DEPTOR: variants seen among roughly 807,000 people sequenced by gnomAD.
DEPTOR encodes the protein DEP domain containing MTOR interacting protein, also known as DEP domain-containing mTOR-interacting protein.
Under a neutral mutation model 41.6 loss-of-function variants are expected in DEPTOR, and 41 were observed. The observed-to-expected ratio is 0.98, with a 90% CI of 0.77 to 1.28. The LOEUF is 1.28. Among genes scored for constraint, DEPTOR ranks in the 50% most tolerant of loss-of-function variants. The probability of loss-of-function intolerance (pLI) is 0.00; values close to 1 mark genes in which losing one functional copy is unlikely to be tolerated. For missense variants in DEPTOR, 514 were observed against 527.9 expected, an observed-to-expected ratio of 0.97 and a Z score of 0.26; for synonymous variants, 195 against 192.3, an observed-to-expected ratio of 1.01 and a Z score of -0.12.
chr8:119,910,785 A>T (rs949104457), intron 1 of DEPTOR, among the ~76,000 whole-genome samples: 1 of 152,164 alleles, frequency 6.6e-6, no homozygotes, highest in African/African-American at 2.4e-5. Context: ...ATAAAAATAA[A>T]TCACAGTACC....
chr8:119,925,677 T>G (rs1376091138), intron 1 of DEPTOR, among the ~76,000 whole-genome samples: 1 of 152,058 alleles, frequency 6.6e-6, no homozygotes, highest in African/African-American at 2.4e-5. Context: ...CAGGCTGGAG[T>G]GCAGTTGTGC....
chr8:119,980,997 C>A (rs1488033488), intron 4 of DEPTOR, among the ~76,000 whole-genome samples: 1 of 152,174 alleles, frequency 6.6e-6, no homozygotes, highest in African/African-American at 2.4e-5. Context: ...TATTTTCTTT[C>A]TCTCTCAGTT....
intron 8 of DEPTOR, among the ~76,000 whole-genome samples, chr8:120,023,035 A>G (rs146176497): frequency 6.6e-6 from 1 of 152,310 alleles, no homozygotes; most frequent in African/African-American, 2.4e-5. Flanking sequence ...ATTTGCTCAC[A>G]GTTCTGGAGA....
intron 8 of DEPTOR, among the ~76,000 whole-genome samples, chr8:120,033,235 G>A (rs1812921393): frequency 6.6e-6 from 1 of 151,978 alleles, no homozygotes; most frequent in African/African-American, 2.4e-5. Context: ...TCACAGGCAT[G>A]CACTACCACG....
At chr8:119,903,162 G>A (rs917880770) in intron 1 of DEPTOR, among the ~76,000 whole-genome samples, 4 of 152,062 alleles carry the variant, frequency 2.6e-5, no homozygotes, top group Admixed American at 6.5e-5. Context: ...GCAATGGTGC[G>A]ATCTCAGCTC....
intron 4 of DEPTOR, among the ~76,000 whole-genome samples, chr8:119,976,946 C>T (rs1412493989): frequency 6.6e-6 from 1 of 152,164 alleles, no homozygotes; most frequent in Non-Finnish European, 1.5e-5. Context: ...GCTATTAACT[C>T]ATTTAATCTT....
At chr8:119,901,842 A>G (rs1354530411) in intron 1 of DEPTOR, among the ~76,000 whole-genome samples, 2 of 152,168 alleles carry the variant, frequency 1.3e-5, no homozygotes, top group Non-Finnish European at 2.9e-5. Flanking sequence ...TGAGATGAAA[A>G]TGTAAGGAAA....
chr8:119,887,560 T>C (rs932661493), intron 1 of DEPTOR, among the ~76,000 whole-genome samples: 41 of 113,822 alleles, frequency 3.6e-4, no homozygotes, highest in East Asian at 2.1e-3. Flanking sequence ...AGTTCAGTGG[T>C]GTAATCTCAG....
intron 1 of DEPTOR, among the ~76,000 whole-genome samples, chr8:119,920,213 T>G (rs1438371853): frequency 1.3e-5 from 2 of 152,200 alleles, no homozygotes; most frequent in African/African-American, 4.8e-5. Flanking sequence ...AGAAAACTAT[T>G]CTATCTATGC....
At chr8:119,988,570 C>T (rs1330505427) in intron 4 of DEPTOR, among the ~76,000 whole-genome samples, 2 of 152,102 alleles carry the variant, frequency 1.3e-5, no homozygotes, top group Non-Finnish European at 2.9e-5. Flanking sequence ...GTAACCTCTG[C>T]CTCCTAGGTT....
intron 1 of DEPTOR, among the ~76,000 whole-genome samples, chr8:119,894,933 C>G (rs897187066): frequency 6.6e-6 from 1 of 152,144 alleles, no homozygotes; most frequent in Non-Finnish European, 1.5e-5. Context: ...AGAAGGTAGA[C>G]ATTTGTACCA....
At chr8:120,045,343 T>A (rs1813138440) in intron 8 of DEPTOR, among the ~76,000 whole-genome samples, 1 of 152,156 alleles carries the variant, frequency 6.6e-6, no homozygotes, top group South Asian at 2.1e-4. Context: ...AGAAATGACC[T>A]TTTTCTGTTT....
At chr8:119,934,363 T>G (rs1311717431) in intron 3 of DEPTOR, among the ~76,000 whole-genome samples, 1 of 152,206 alleles carries the variant, frequency 6.6e-6, no homozygotes, top group African/African-American at 2.4e-5. Context: ...GCTGGCCCTT[T>G]CAAGTTGCCC....
chr8:119,990,564 T>G (rs1178475842), intron 4 of DEPTOR, among the ~76,000 whole-genome samples: 2 of 152,232 alleles, frequency 1.3e-5, no homozygotes, highest in Non-Finnish European at 2.9e-5. Flanking sequence ...GCTGCAGCAC[T>G]CAGACAATCA....
intron 3 of DEPTOR, among the ~76,000 whole-genome samples, chr8:119,947,815 A>C (rs1018059750): frequency 6.6e-6 from 1 of 152,060 alleles, no homozygotes; most frequent in African/African-American, 2.4e-5. Context: ...TTGAGCTCAG[A>C]ATTTTTCCAT....
At chr8:119,886,992 G>A (rs376110899) in intron 1 of DEPTOR, among the ~76,000 whole-genome samples, 8 of 152,124 alleles carry the variant, frequency 5.3e-5, no homozygotes, top group African/African-American at 1.9e-4. Flanking sequence ...AGCTCAAAAT[G>A]TATCCTGCCC....
intron 1 of DEPTOR, among the ~76,000 whole-genome samples, chr8:119,877,669 A>G (rs540709267): frequency 9.6e-4 from 147 of 152,364 alleles, no homozygotes; most frequent in Admixed American, 1.2e-3. Context: ...GCCCAGTTCT[A>G]TCAATTTCTT....
chr8:119,891,661 G>A (rs1207163621), intron 1 of DEPTOR, among the ~76,000 whole-genome samples: 1 of 152,134 alleles, frequency 6.6e-6, no homozygotes, highest in Non-Finnish European at 1.5e-5. Flanking sequence ...GATTTGCTCA[G>A]TAATAAAGTA....
intron 8 of DEPTOR, among the ~76,000 whole-genome samples, chr8:120,023,850 G>A (rs1812759414): frequency 6.6e-6 from 1 of 151,128 alleles, no homozygotes; most frequent in African/African-American, 2.4e-5. Flanking sequence ...TTACTTCAAG[G>A]TCTGAGACAG....
Sources: gnomAD v4.1 joint callset for allele counts (sites outside exome capture counted in the v4.1 genomes callset) on GRCh38, gnomAD v4.1.1 for gene constraint, MANE v1.5 for transcripts, NCBI Gene and HGNC (gene_info 2026-07-23, HGNC 2026-07-21) for gene names.